Variants in TG observed in about 807,000 individuals in gnomAD.
TG encodes the protein thyroglobulin, also known as thyroid hormones.
In TG, 270 loss-of-function variants were observed where a neutral mutation model predicts 324.7. The observed-to-expected ratio is 0.83, with a 90% CI of 0.75 to 0.92. The LOEUF (loss-of-function observed/expected upper bound fraction) is 0.92, where lower values mean the gene tolerates loss of function less well. TG is among the 40% of genes least tolerant of loss of function. The pLI is 0.00. For synonymous variants in TG, 1,401 were observed against 1,327.0 expected (o/e 1.06, Z -1.21); for missense variants, 3,591 against 3,456.4 (o/e 1.04, Z -0.98).
chr8:133,063,091 T>C (rs1842608443), intron 41 of TG, among the ~76,000 whole-genome samples: 1 of 152,240 alleles, frequency 6.6e-6, no homozygotes, highest in Non-Finnish European at 1.5e-5. Flanking sequence ...TGAAACCACA[T>C]GTGTGCTGGC....
At chr8:133,024,046 T>A (rs1362596216) in intron 40 of TG, among the ~76,000 whole-genome samples, 1 of 152,224 alleles carries the variant, frequency 6.6e-6, no homozygotes, top group African/African-American at 2.4e-5. Flanking sequence ...CTGGATTACC[T>A]CATCTATTTC....
intron 24 of TG, among the ~76,000 whole-genome samples, chr8:132,934,759 G>A (rs1054418575): frequency 3.3e-5 from 5 of 152,170 alleles, no homozygotes; most frequent in African/African-American, 1.2e-4. Flanking sequence ...AGCCTTGCGG[G>A]GGAAGGCAAA....
chr8:133,077,606 G>A (rs1019151480), intron 41 of TG, among the ~76,000 whole-genome samples: 6 of 152,312 alleles, frequency 3.9e-5, no homozygotes, highest in South Asian at 2.1e-4. Context: ...AACCAGAGAC[G>A]GCAGGGCTGA....
chr8:133,003,198 A>T, intron 35 of TG: 1 of 212,726 alleles, frequency 4.7e-6, no homozygotes, highest in Non-Finnish European at 8.1e-6. Context: ...AGGAAGAAAC[A>T]AAAAAAGAAA....
At chr8:133,114,032 C>T (rs1194367962) in intron 44 of TG, among the ~76,000 whole-genome samples, 2 of 152,170 alleles carry the variant, frequency 1.3e-5, no homozygotes, top group African/African-American at 4.8e-5. Context: ...CACACGTGAG[C>T]GCATTTAAAG....
At chr8:133,096,457 T>C in intron 43 of TG, 84 bp downstream of exon 43, 2 of 1,519,096 alleles carry the variant, frequency 1.3e-6, no homozygotes, top group Non-Finnish European at 1.8e-6. Context: ...GATCAAGAGA[T>C]ATTGACCAAT....
rs558118866 is a variant in TG at position 132,933,495 on chromosome 8, G to A, written c.4817-66G>A. Reference sequence around the variant, plus strand: ...GCATGTGGGGCAGGGGCAGGGGGATGTGTCTGCTCTGCCCTCAGCATCCCC... The same window carrying A: ...GCATGTGGGGCAGGGGCAGGGGGATATGTCTGCTCTGCCCTCAGCATCCCC... On this transcript the variant is annotated intron_variant, in intron 23 of 47. Coordinates refer to ENST00000220616, the MANE Select transcript of TG (RefSeq NM_003235.5). 9.3e-6 allele frequency: 12 copies of A among 1,295,974 alleles called. No homozygotes were observed. The South Asian group carries it at 1.2e-4, about 13-fold the overall frequency. 80.3% of individuals were successfully genotyped at this position (1,295,974 alleles called of 1,614,324 possible).
intron 46 of TG, 197 bp from the exon 47 acceptor site, chr8:133,133,273 A>G: frequency 1.5e-6 from 1 of 657,942 alleles, no homozygotes; most frequent in Non-Finnish European, 2.7e-6. Flanking sequence ...GAAATGGCCT[A>G]GCTTTGCAGT....
At chr8:133,059,018 G>T in intron 41 of TG, 1 of 459,880 alleles carries the variant, frequency 2.2e-6, no homozygotes, top group Middle Eastern at 3.3e-4. Flanking sequence ...CAGTGAGAAG[G>T]CTCCTTTGTG....
chr8:133,114,391 C>A (rs1850523960), intron 44 of TG, among the ~76,000 whole-genome samples: 1 of 152,224 alleles, frequency 6.6e-6, no homozygotes, highest in East Asian at 1.9e-4. Context: ...CAGCACGCCC[C>A]CGGCCCCAGG....
chr8:132,964,714 C>T (rs1014543825), intron 29 of TG: 26 of 588,710 alleles, frequency 4.4e-5, no homozygotes, highest in Non-Finnish European at 2.7e-5. Context: ...TTCATTCTTT[C>T]ATCCAACCAG....
chr8:132,999,331 A>G (rs1175648976), intron 35 of TG, among the ~76,000 whole-genome samples: 1 of 152,030 alleles, frequency 6.6e-6, no homozygotes, highest in Non-Finnish European at 1.5e-5. Context: ...AAAAAAAACT[A>G]GAATCTATTC....
chr8:132,879,259 G>A (rs1281669322), intron 5 of TG, among the ~76,000 whole-genome samples: 3 of 152,194 alleles, frequency 2.0e-5, no homozygotes, highest in Non-Finnish European at 2.9e-5. Context: ...TGATTGCAGG[G>A]CAGGGCCCCC....
chr8:133,012,358 A>G (rs1273078725), intron 36 of TG, among the ~76,000 whole-genome samples: 1 of 152,194 alleles, frequency 6.6e-6, no homozygotes, highest in Non-Finnish European at 1.5e-5. Flanking sequence ...CTCAGTTAGC[A>G]GGTGGGCTGT....
At chr8:132,998,347 G>A (rs774788457) in intron 35 of TG, among the ~76,000 whole-genome samples, 4 of 152,212 alleles carry the variant, frequency 2.6e-5, no homozygotes, top group Non-Finnish European at 4.4e-5. Context: ...GTGGCTGCAA[G>A]GGGTGGAAGA....
intron 27 of TG, 113 bp downstream of exon 27, chr8:132,949,056 A>T: frequency 1.2e-5 from 2 of 171,778 alleles, no homozygotes; most frequent in Non-Finnish European, 1.9e-5. Flanking sequence ...ATACTTCTGA[A>T]AAAAAAAAAA....
chr8:133,040,374 AAGATCC>A (rs745796885), intron 41 of TG: 6 of 497,368 alleles, frequency 1.2e-5, no homozygotes, highest in Non-Finnish European at 2.2e-5. Flanking sequence ...AGAGAGGTTT[AAGATCC>A]AGTATCAACC....
chr8:133,004,551 C>G (rs944867803), intron 35 of TG, among the ~76,000 whole-genome samples: 1 of 152,136 alleles, frequency 6.6e-6, no homozygotes, highest in Non-Finnish European at 1.5e-5. Context: ...CTCAGTGTCC[C>G]CATCTGTTAT....
Position 132,906,857 on chromosome 8 carries a change from C to T in TG, c.3804C>T (p.Ser1268=), listed in dbSNP as rs61747461. The T allele has an allele frequency of 2.6e-4, 414 of 1,613,758 alleles. 1 individual carries two copies. The African/African-American group carries it at 4.9e-3, about 19-fold the overall frequency. The change falls in exon 17 of 48, where the codon AGC becomes AGT. Residue 1268 remains serine (S), a synonymous_variant. Coordinates refer to ENST00000220616, the MANE Select transcript of TG (RefSeq NM_003235.5). Reference sequence around the variant, plus strand: ...GGCCATTGATATGTAGCCTGGAGAGCGGACGCTGGGAGTCACAGCTGCCTC... The same window carrying T: ...GGCCATTGATATGTAGCCTGGAGAGTGGACGCTGGGAGTCACAGCTGCCTC... ...PPGPLICSLE[S]GRWESQLPQP...
Sources: allele counts gnomAD v4.1 joint callset (sites outside exome capture counted in the v4.1 genomes callset), GRCh38; gene constraint gnomAD v4.1.1; transcripts MANE v1.5; gene names NCBI Gene and HGNC (gene_info 2026-07-23, HGNC 2026-07-21).